The following OSBPL9 variants were observed in gnomAD, a reference collection of about 807,000 sequenced individuals.
OSBPL9 encodes oxysterol-binding protein-related protein 9.
A neutral mutation model predicts 106.6 loss-of-function variants in OSBPL9; 40 were observed. The observed-to-expected ratio is 0.38, with a 90% confidence interval of 0.29 to 0.49. OSBPL9 has a LOEUF of 0.49. Ranked by LOEUF, OSBPL9 falls within the 20% of genes least tolerant of loss-of-function variation. The pLI is 0.97. For missense variants in OSBPL9, 609 were observed against 887.2 expected, an observed-to-expected ratio of 0.69 and a Z score of 3.98; for synonymous variants, 269 against 295.4, an observed-to-expected ratio of 0.91 and a Z score of 0.92.
At chr1:51,680,211 T>C (rs1652218075) in intron 3 of OSBPL9, among the ~76,000 whole-genome samples, 1 of 151,962 alleles carries the variant, frequency 6.6e-6, no homozygotes, top group East Asian at 1.9e-4. Flanking sequence ...GCCAAGATCT[T>C]GTCACTGCAC....
chr1:51,688,961 A>G (rs1287876713), intron 3 of OSBPL9, among the ~76,000 whole-genome samples: 2 of 152,250 alleles, frequency 1.3e-5, no homozygotes, highest in Non-Finnish European at 2.9e-5. Flanking sequence ...TGCCCTGAGC[A>G]GAAGTCCTTG....
intron 7 of OSBPL9, 97 bp from the exon 8 acceptor site, chr1:51,750,048 C>A: frequency 1.2e-6 from 1 of 803,640 alleles, no homozygotes; most frequent in Non-Finnish European, 1.9e-6. Context: ...TAGACTTAAA[C>A]TCTATACATC....
At chr1:51,616,304 C>T (rs1037517507), upstream of OSBPL9, among the ~76,000 whole-genome samples, 1 of 152,014 alleles carries the variant, frequency 6.6e-6, no homozygotes, top group Non-Finnish European at 1.5e-5. Context: ...TTAAATTGCC[C>T]CTGTAGGCTG....
the OSBPL9 span, among the ~76,000 whole-genome samples, chr1:51,557,633 C>T: frequency 6.6e-6 from 1 of 152,200 alleles, no homozygotes; most frequent in Non-Finnish European, 1.5e-5. Context: ...CCTGTGCTAT[C>T]CCACTTGAGT....
rs569885590 is a variant in OSBPL9 at position 51,784,190 on chromosome 1, A to AC, written c.1625-72dup. 5.3e-6 allele frequency: 8 copies of AC among 1,505,412 alleles called. No individual in the cohort carries two copies. The South Asian group carries it at 7.9e-5, about 15-fold the overall frequency. The allele number at this position is 1,505,412 out of a possible 1,614,324, so 93.3% of individuals were successfully genotyped here. A position where few individuals can be genotyped will look rare whatever the true frequency, so the allele number is the denominator to read the frequency against. ...AAATTGAATGGAGTATCCTGGAGTAACCATCAGCTCGACAAGAAAGCCTTG... is the reference window on the plus strand; with the variant it reads ...AAATTGAATGGAGTATCCTGGAGTAACCCATCAGCTCGACAAGAAAGCCTTG... On this transcript the variant is annotated intron_variant, in intron 18 of 23. Coordinates refer to ENST00000428468, the MANE Select transcript of OSBPL9 (RefSeq NM_024586.6).
chr1:51,782,778 C>T, intron 17 of OSBPL9, 135 bp downstream of exon 17: 3 of 681,758 alleles, frequency 4.4e-6, no homozygotes, highest in South Asian at 2.6e-5. Flanking sequence ...GAAGTGGAAA[C>T]TCAAGTTGAT....
intron 2 of OSBPL9, among the ~76,000 whole-genome samples, chr1:51,663,473 A>C (rs562492165): frequency 6.6e-6 from 1 of 152,342 alleles, no homozygotes; most frequent in South Asian, 2.1e-4. Flanking sequence ...GACTATGTTC[A>C]AGATGTTTAT....
intron 3 of OSBPL9, chr1:51,708,258 CTTTTTCTTTTTTT>C: frequency 7.2e-6 from 1 of 138,590 alleles, no homozygotes; most frequent in East Asian, 2.0e-4. Context: ...CTTTTTTTTT[CTTTTTCTTTTTTT>C]TTTTTTTTTA....
intron 3 of OSBPL9, among the ~76,000 whole-genome samples, chr1:51,673,812 T>C (rs981553856): frequency 6.6e-6 from 1 of 151,912 alleles, no homozygotes; most frequent in Non-Finnish European, 1.5e-5. Context: ...AAGACTGTAG[T>C]GTTCTATGAT....
the OSBPL9 span, among the ~76,000 whole-genome samples, chr1:51,555,395 C>T: frequency 6.6e-6 from 1 of 151,276 alleles, no homozygotes; most frequent in Non-Finnish European, 1.5e-5. Context: ...GAGGCTGAGG[C>T]AGGAAAATCC....
intron 1 of OSBPL9, among the ~76,000 whole-genome samples, chr1:51,644,744 A>G (rs147411586): frequency 6.6e-6 from 1 of 152,054 alleles, no homozygotes; most frequent in Non-Finnish European, 1.5e-5. Flanking sequence ...CTGATGAATC[A>G]TTTCCTGCTC....
chr1:51,669,660 C>A, intron 3 of OSBPL9, 148 bp downstream of exon 3: 2 of 734,916 alleles, frequency 2.7e-6, no homozygotes, highest in Non-Finnish European at 2.4e-6. Flanking sequence ...AGTGGTACTG[C>A]AGGTTAGGCA....
intron 14 of OSBPL9, 105 bp from the exon 15 acceptor site, chr1:51,776,728 G>A (rs1571727436): frequency 1.4e-6 from 1 of 737,086 alleles, no homozygotes; most frequent in East Asian, 2.6e-5. Flanking sequence ...ATGTTACCAT[G>A]ATTTGAATGA....
intron 2 of OSBPL9, among the ~76,000 whole-genome samples, chr1:51,604,504 C>T (rs1387465606): frequency 6.6e-6 from 1 of 151,380 alleles, no homozygotes; most frequent in Non-Finnish European, 1.5e-5. Context: ...TGCAGTAAGC[C>T]AAGATCCCAC....
Position 51,781,340 on chromosome 1 carries a change from G to A in OSBPL9, c.1428+5G>A. 6.2e-7 allele frequency: 1 copy of A among 1,611,892 alleles called. No individual in the cohort carries two copies. On this transcript the variant is annotated splice_donor_5th_base_variant and intron_variant, in intron 16 of 23. Transcript: ENST00000428468. ...AATGATACTGAAGAGAACACAGTGA[G>A]TTCTGCATTGACATTTTTAAATTAT...
At chr1:51,531,417 G>A in the OSBPL9 span, among the ~76,000 whole-genome samples, 1 of 152,180 alleles carries the variant, frequency 6.6e-6, no homozygotes, top group Non-Finnish European at 1.5e-5. Context: ...ATGATGGCTT[G>A]GTGGTGAGAG....
chr1:51,704,793 T>G (rs942222589), intron 3 of OSBPL9, among the ~76,000 whole-genome samples: 1 of 152,220 alleles, frequency 6.6e-6, no homozygotes, highest in Non-Finnish European at 1.5e-5. Flanking sequence ...TACTATGACA[T>G]TGAAGGTTAG....
chr1:51,781,442 C>T (rs573562834), intron 16 of OSBPL9, 107 bp downstream of exon 16: 2 of 1,135,166 alleles, frequency 1.8e-6, no homozygotes, highest in Admixed American at 2.2e-5. Context: ...AGATGGTCAC[C>T]ACCCATAGAA....
chr1:51,744,832 C>T (rs187770599), intron 4 of OSBPL9, among the ~76,000 whole-genome samples: 5 of 152,260 alleles, frequency 3.3e-5, no homozygotes, highest in African/African-American at 1.2e-4. Context: ...AAACTCTTTA[C>T]GTATGCAAAA....
Sources: gnomAD v4.1 joint callset for allele counts (sites outside exome capture counted in the v4.1 genomes callset) on GRCh38, gnomAD v4.1.1 for gene constraint, MANE v1.5 for transcripts, NCBI Gene and HGNC (gene_info 2026-07-23, HGNC 2026-07-21) for gene names.